PTPN5: variants seen among roughly 807,000 people sequenced by gnomAD.
PTPN5 encodes the protein tyrosine-protein phosphatase non-receptor type 5.
PTPN5 carries 29 observed loss-of-function variants against 73.9 expected under a neutral mutation model. That is an observed-to-expected ratio of 0.39 (90% CI 0.29 to 0.54). The LOEUF is 0.54. PTPN5 is among the 20% of genes least tolerant of loss of function. PTPN5 has a pLI of 0.65. For missense variants in PTPN5, 652 were observed against 751.4 expected (o/e 0.87, Z 1.55); for synonymous variants, 267 against 304.7 (o/e 0.88, Z 1.29).
intron 3 of PTPN5, chr11:18,749,424 C>T (rs749303547): frequency 4.1e-5 from 21 of 513,558 alleles, no homozygotes; most frequent in East Asian, 1.1e-4. Context: ...TTTGCCATGC[C>T]GCTTCTCAGT....
chr11:18,790,322 A>T (rs1255059308), intron 1 of PTPN5, among the ~76,000 whole-genome samples: 1 of 152,100 alleles, frequency 6.6e-6, no homozygotes, highest in Non-Finnish European at 1.5e-5. Flanking sequence ...TTGGAGTAGA[A>T]GATCTGGCCC....
At position 18,732,663 on chromosome 11, in the gene PTPN5, C is replaced by T. The variant is rs148928702; in HGVS notation, c.1258G>A (p.Asp420Asn). The T allele has an allele frequency of 4.0e-5, 65 of 1,613,920 alleles. No individual in the cohort carries two copies. Among genetic ancestry groups the T allele is most frequent in the Middle Eastern group, 1.7e-4 (1 of 6,060 alleles). Residue 420 changes from aspartate (D) to asparagine (N), a missense_variant, in exon 12 of 15, where the codon GAC becomes AAC. By Grantham distance (23) the Asp-to-Asn change is conservative (BLOSUM62 1). This residue lies in a region of PTPN5 where 529 missense variants were observed against 573.9 expected (regional missense o/e 0.92). Coordinates refer to ENST00000358540, the MANE Select transcript of PTPN5 (RefSeq NM_006906.2). ...TTCTGCACAGTGATCTCAACACCGT[C>T]GTACGCCACCTGCTCCTCCGGCCAA... ...EYWPEEQVAY[D>N]GVEITVQKVI...
At chr11:18,787,482 A>G (rs1275502944) in intron 1 of PTPN5, among the ~76,000 whole-genome samples, 1 of 152,208 alleles carries the variant, frequency 6.6e-6, no homozygotes, top group Non-Finnish European at 1.5e-5. Flanking sequence ...AGGCCCTTAC[A>G]TGATTGGCTC....
Position 18,727,990 on chromosome 11 carries a change from A to T in PTPN5, c.*944T>A, listed in dbSNP as rs1007793565. ...CAATGACCACGAGCGAATTATAAAA[A>T]GACACCAAATGTCTCTGTCTGCCGT... On this transcript the variant is annotated 3_prime_UTR_variant, in exon 15 of 15. Coordinates refer to ENST00000358540, the MANE Select transcript of PTPN5 (RefSeq NM_006906.2). 3.3e-5 allele frequency: 5 copies of T among 152,792 alleles called. No individual in the cohort carries two copies. Among genetic ancestry groups the T allele is most frequent in the African/African-American group, 1.2e-4 (5 of 41,578 alleles). The allele number at this position is 152,792 out of a possible 1,614,324, so 9.5% of individuals were successfully genotyped here.
chr11:18,743,908 C>A, intron 4 of PTPN5, 98 bp downstream of exon 4: 1 of 1,403,872 alleles, frequency 7.1e-7, no homozygotes, highest in Non-Finnish European at 9.5e-7. Context: ...GGCCCCTTAT[C>A]CTCCTGCCTT....
chr11:18,791,920 G>C (rs1851952649), upstream of PTPN5: 1 of 152,178 alleles, frequency 6.6e-6, no homozygotes, highest in African/African-American at 2.4e-5. Flanking sequence ...CCGGGAGAGC[G>C]GCCTGCTCCC....
intron 1 of PTPN5, among the ~76,000 whole-genome samples, chr11:18,778,340 C>T (rs1851266819): frequency 6.6e-6 from 1 of 152,246 alleles, no homozygotes; most frequent in South Asian, 2.1e-4. Flanking sequence ...ACTGACCCAA[C>T]CCCAGCAACT....
intron 3 of PTPN5, among the ~76,000 whole-genome samples, chr11:18,748,093 A>G (rs796791476): frequency 3.9e-5 from 6 of 152,276 alleles, no homozygotes; most frequent in African/African-American, 1.4e-4. Context: ...TATTTTTTTC[A>G]AAAAGATCAA....
At chr11:18,741,204 A>G (rs1006432219) in intron 7 of PTPN5, among the ~76,000 whole-genome samples, 3 of 152,162 alleles carry the variant, frequency 2.0e-5, no homozygotes, top group African/African-American at 7.2e-5. Flanking sequence ...GGATGGCTCC[A>G]GACCCTCCCC....
chr11:18,768,132 A>G (rs1392701493), intron 2 of PTPN5, among the ~76,000 whole-genome samples: 1 of 152,224 alleles, frequency 6.6e-6, no homozygotes, highest in Non-Finnish European at 1.5e-5. Context: ...ACACTTATGG[A>G]ATAAGTAAAT....
At chr11:18,738,165 T>A (rs1849200110) in intron 8 of PTPN5, among the ~76,000 whole-genome samples, 1 of 152,296 alleles carries the variant, frequency 6.6e-6, no homozygotes, top group South Asian at 2.1e-4. Context: ...GTAATAAATA[T>A]GATAATGACT....
Position 18,742,591 on chromosome 11 carries a change from A to C in PTPN5, c.484-88T>G. On this transcript the variant is annotated intron_variant, in intron 6 of 14. Coordinates refer to ENST00000358540, the MANE Select transcript of PTPN5 (RefSeq NM_006906.2). The surrounding 1 kb of genome is among the most constrained non-coding windows in gnomAD (Gnocchi z 4.1). ...GTGCCCATGGGATTGACGCCCCCCC[A>C]CTCCCTCAGTGTGTCTAGAGCAGCT... 1 of 1,539,918 alleles carries C rather than the reference A, an allele frequency of 6.5e-7. No individual in the cohort carries two copies. The highest frequency in any genetic ancestry group is 8.7e-7 in the Non-Finnish European group (1 of 1,146,314).
At chr11:18,765,295 G>A (rs1266186580) in intron 3 of PTPN5, among the ~76,000 whole-genome samples, 1 of 152,056 alleles carries the variant, frequency 6.6e-6, no homozygotes, top group Non-Finnish European at 1.5e-5. Context: ...GAGTGCCTTG[G>A]TAATATCTCC....
At chr11:18,761,718 T>A (rs560480688) in intron 3 of PTPN5, among the ~76,000 whole-genome samples, 1 of 151,366 alleles carries the variant, frequency 6.6e-6, no homozygotes, top group South Asian at 2.1e-4. Context: ...TTTTCAAGAG[T>A]GTGCGTGAAG....
In PTPN5 at chr11:18,772,017, A is replaced by C. The variant is rs1427336962; in HGVS notation, c.-59T>G. 1.1e-5 allele frequency: 15 copies of C among 1,380,382 alleles called. No individual in the cohort carries two copies. The highest frequency in any genetic ancestry group is 1.5e-5 in the Non-Finnish European group (15 of 1,013,202). The allele number at this position is 1,380,382 out of a possible 1,614,324, so 85.5% of individuals were successfully genotyped here. A position where few individuals can be genotyped will look rare whatever the true frequency, so the allele number is the denominator to read the frequency against. On this transcript the variant is annotated 5_prime_UTR_variant, in exon 2 of 15. Transcript: ENST00000358540. ...TTCCAGGGCAGGAAGCTTTCTCAGC[A>C]AAAAGCAAGCTGGTGATATAAATGA...
chr11:18,746,186 T>TATAC (rs1193910400), intron 3 of PTPN5, among the ~76,000 whole-genome samples: 2 of 117,448 alleles, frequency 1.7e-5, no homozygotes, highest in Non-Finnish European at 3.8e-5. Context: ...TATATATATA[T>TATAC]ATATATACAT....
chr11:18,734,756 G>A (rs1849042500), intron 9 of PTPN5, among the ~76,000 whole-genome samples: 1 of 152,224 alleles, frequency 6.6e-6, no homozygotes, highest in Non-Finnish European at 1.5e-5. Flanking sequence ...GGGGAAGCTG[G>A]CTGGGGCCCC....
chr11:18,778,586 G>A (rs112982271), intron 1 of PTPN5, among the ~76,000 whole-genome samples: 166 of 152,256 alleles, frequency 1.1e-3, no homozygotes, highest in African/African-American at 3.5e-3. Flanking sequence ...TTGAAAGCAT[G>A]TGGCACCTCC....
chr11:18,737,166 C>T (rs1356198693), intron 9 of PTPN5, among the ~76,000 whole-genome samples: 1 of 152,122 alleles, frequency 6.6e-6, no homozygotes, highest in Non-Finnish European at 1.5e-5. Context: ...CAGAACTTGG[C>T]GAGGGTGGCA....
Sources: gnomAD v4.1 joint callset for allele counts (sites outside exome capture counted in the v4.1 genomes callset) on GRCh38, gnomAD v4.1.1 for gene constraint, gnomAD v4.1.1 regional missense constraint, Gnocchi (gnomAD v3.1) non-coding constraint, MANE v1.5 for transcripts, NCBI Gene and HGNC (gene_info 2026-07-23, HGNC 2026-07-21) for gene names.